The following WWTR1 variants were observed in gnomAD, a reference collection of about 807,000 sequenced individuals.
WWTR1 encodes WW domain containing transcription regulator 1.
Under a neutral mutation model 40.1 loss-of-function variants are expected in WWTR1, and 13 were observed. The ratio of observed to expected loss-of-function variants is 0.32; its 90% CI spans 0.21 to 0.52. WWTR1 has a LOEUF of 0.52. Ranked by LOEUF, WWTR1 falls within the 20% of genes least tolerant of loss-of-function variation. WWTR1 has a pLI of 0.97. For synonymous variants in WWTR1, 230 were observed against 210.1 expected, an observed-to-expected ratio of 1.09 and a Z score of -0.82; for missense variants, 436 against 523.1, an observed-to-expected ratio of 0.83 and a Z score of 1.63.
intron 1 of WWTR1, among the ~76,000 whole-genome samples, chr3:149,680,207 A>G (rs1042287373): frequency 1.3e-5 from 2 of 152,210 alleles, no homozygotes; most frequent in South Asian, 4.1e-4. Context: ...ATTACCTTAC[A>G]TGTAGAGCTG....
chr3:149,703,633 G>A (rs1459349615), upstream of WWTR1, among the ~76,000 whole-genome samples: 2 of 152,126 alleles, frequency 1.3e-5, no homozygotes, highest in African/African-American at 4.8e-5. Context: ...CTCCAGTGTT[G>A]GAGGTGGGCC....
At chr3:149,643,588 A>G (rs943277718) in intron 2 of WWTR1, among the ~76,000 whole-genome samples, 42 of 152,210 alleles carry the variant, frequency 2.8e-4, no homozygotes, top group African/African-American at 1.0e-3. Context: ...GAGAGACACT[A>G]TAGGTTATAT....
intron 6 of WWTR1, among the ~76,000 whole-genome samples, chr3:149,522,545 A>G (rs1006797612): frequency 7.2e-5 from 11 of 152,228 alleles, no homozygotes; most frequent in Non-Finnish European, 1.6e-4. Context: ...AAAATCCAAA[A>G]TAACTTTCTT....
intron 2 of WWTR1, among the ~76,000 whole-genome samples, chr3:149,580,967 C>A (rs1738130940): frequency 6.6e-6 from 1 of 152,188 alleles, no homozygotes; most frequent in African/African-American, 2.4e-5. Context: ...TTAACGTTAT[C>A]AGTCTATTTG....
chr3:149,642,774 CAAA>C (rs1208125999), intron 2 of WWTR1, among the ~76,000 whole-genome samples: 5 of 62,148 alleles, frequency 8.0e-5, no homozygotes, highest in Non-Finnish European at 3.3e-5. Context: ...GACTCCGTCT[CAAA>C]AAAAAAAAAA....
chr3:149,723,584 T>G (rs1046124116), intron 4 of WWTR1, among the ~76,000 whole-genome samples: 2 of 152,186 alleles, frequency 1.3e-5, no homozygotes, highest in Admixed American at 6.5e-5. Context: ...TCATATATTT[T>G]TTGAGCCTTT....
At chr3:149,671,552 G>A (rs7612438) in intron 1 of WWTR1, among the ~76,000 whole-genome samples, 30,369 of 152,018 alleles carry the variant, frequency 0.2, 3,297 homozygotes, top group Admixed American at 0.3. Context: ...TCGTATGTTT[G>A]AATAATTGCA....
intron 2 of WWTR1, chr3:149,650,055 G>A (rs1457471633): frequency 6.6e-6 from 1 of 152,052 alleles, no homozygotes; most frequent in Non-Finnish European, 1.5e-5. Flanking sequence ...AGTCACCTTG[G>A]TGGAAATCTT....
At chr3:149,601,736 T>G (rs1348481918) in intron 2 of WWTR1, among the ~76,000 whole-genome samples, 1 of 152,048 alleles carries the variant, frequency 6.6e-6, no homozygotes, top group Admixed American at 6.6e-5. Context: ...TTTTAAAATA[T>G]TATATAATTC....
At chr3:149,593,443 A>T (rs1738833225) in intron 2 of WWTR1, among the ~76,000 whole-genome samples, 2 of 149,408 alleles carry the variant, frequency 1.3e-5, no homozygotes, top group African/African-American at 2.5e-5. Flanking sequence ...AAGCCAGGAG[A>T]TTTCAGAAAT....
chr3:149,522,980 C>T (rs527306094), intron 6 of WWTR1, among the ~76,000 whole-genome samples: 46 of 151,452 alleles, frequency 3.0e-4, no homozygotes, highest in Middle Eastern at 3.4e-3. Context: ...GCCCGAGACT[C>T]GTTTGAATCC....
At chr3:149,684,562 T>A (rs201001484) in intron 1 of WWTR1, among the ~76,000 whole-genome samples, 3,094 of 74,516 alleles carry the variant, frequency 0.042, 60 homozygotes, top group South Asian at 0.12. Flanking sequence ...CTCATTATTC[T>A]TTTTTTTTTT....
At chr3:149,528,070 T>C in intron 4 of WWTR1, 101 bp from the exon 5 acceptor site, 3 of 1,429,986 alleles carry the variant, frequency 2.1e-6, no homozygotes, top group Non-Finnish European at 2.8e-6. Context: ...CAAAGCACTG[T>C]GTATTTACTC....
At chr3:149,611,334 A>G (rs1739733062) in intron 2 of WWTR1, among the ~76,000 whole-genome samples, 1 of 152,218 alleles carries the variant, frequency 6.6e-6, no homozygotes, top group African/African-American at 2.4e-5. Context: ...GTTTCTGTGA[A>G]TAAAGTTTTA....
In WWTR1 at chr3:149,597,269, T is replaced by A. The variant is rs140047981; in HGVS notation, c.432-24269A>T. 8.1e-4 allele frequency among the ~76,000 whole-genome samples: 123 copies of A among 151,938 alleles called. No homozygotes were observed. In the East Asian group the frequency reaches 0.014, roughly 17 times the overall value. On this transcript the variant is annotated intron_variant, in intron 2 of 6. Coordinates refer to ENST00000360632, the MANE Select transcript of WWTR1 (RefSeq NM_015472.6). ...CTTTACTATTCCATGCTCATACTCT[T>A]CCTAAAATTCTCTATGCCTTAAGGA...
At chr3:149,570,891 G>T (rs555498785) in intron 3 of WWTR1, among the ~76,000 whole-genome samples, 1 of 152,132 alleles carries the variant, frequency 6.6e-6, no homozygotes, top group South Asian at 2.1e-4. Context: ...CATGACAAAG[G>T]ATATCCACTC....
rs147586860 is a variant in WWTR1, at chr3:149,532,857, A to G, written c.772-4888T>C. Among the ~76,000 whole-genome samples the G allele has an allele frequency of 1.5e-3, 223 of 152,380 alleles. 1 individual carries two copies. Among genetic ancestry groups the G allele is most frequent in the African/African-American group, 5.0e-3 (210 of 41,598 alleles). On this transcript the variant is annotated intron_variant, in intron 4 of 6. Transcript: ENST00000360632. ...AGCAGCAGTCAAAATGGATGAAACTAAAGCAGCTGAAGCAAAGACAAAGAC... is the reference window on the plus strand; with the variant it reads ...AGCAGCAGTCAAAATGGATGAAACTGAAGCAGCTGAAGCAAAGACAAAGAC...
chr3:149,694,267 G>A (rs746104718), intron 1 of WWTR1, among the ~76,000 whole-genome samples: 7 of 152,128 alleles, frequency 4.6e-5, no homozygotes, highest in Non-Finnish European at 1.0e-4. Context: ...GGTGGCAGGC[G>A]CCTGTAATCT....
chr3:149,630,443 C>T (rs917042586), intron 2 of WWTR1, among the ~76,000 whole-genome samples: 1 of 152,158 alleles, frequency 6.6e-6, no homozygotes, highest in Non-Finnish European at 1.5e-5. Context: ...TAAACTGTTT[C>T]CACTCTCCTA....
Sources: allele counts gnomAD v4.1 joint callset (sites outside exome capture counted in the v4.1 genomes callset), GRCh38; gene constraint gnomAD v4.1.1; transcripts MANE v1.5; gene names NCBI Gene and HGNC (gene_info 2026-07-23, HGNC 2026-07-21).